The following VCAN variants were observed in gnomAD, a reference collection of about 807,000 sequenced individuals.
The protein encoded by VCAN is versican.
Under a neutral mutation model 245.5 loss-of-function variants are expected in VCAN, and 44 were observed. That is an observed-to-expected ratio of 0.18 (90% CI 0.14 to 0.23). The LOEUF is 0.23. Ranked by LOEUF, VCAN falls within the 10% of genes least tolerant of loss-of-function variation. The pLI, the probability that VCAN is intolerant of heterozygous loss-of-function variation, is 1.00. For missense variants in VCAN, 3,793 were observed against 4,057.9 expected, an observed-to-expected ratio of 0.93 and a Z score of 1.77; for synonymous variants, 1,413 against 1,437.0, an observed-to-expected ratio of 0.98 and a Z score of 0.38.
intron 5 of VCAN, among the ~76,000 whole-genome samples, chr5:83,511,855 G>T (rs554879098): frequency 1.3e-5 from 2 of 152,128 alleles, no homozygotes; most frequent in South Asian, 4.2e-4. Flanking sequence ...TGATTCTATG[G>T]CCAATGTACA....
rs780265936 is a variant in VCAN at position 83,569,012 on chromosome 5, A to T, written c.9736-3404A>T. ...TTTAACACTTGTTTTACTACCCCCCATTTCTTTATTTATTCTTCAAAGAAA... is the reference window on the plus strand; with the variant it reads ...TTTAACACTTGTTTTACTACCCCCCTTTTCTTTATTTATTCTTCAAAGAAA... On this transcript the variant is annotated intron_variant, in intron 12 of 14. Transcript: ENST00000265077. Among the ~76,000 whole-genome samples the T allele has an allele frequency of 1.3e-4, 20 of 152,162 alleles. No individual in the cohort carries two copies. The Middle Eastern group carries it at 0.01, about 78-fold the overall frequency.
chr5:83,511,433 C>T, intron 5 of VCAN, among the ~76,000 whole-genome samples: 1 of 152,100 alleles, frequency 6.6e-6, no homozygotes, highest in East Asian at 1.9e-4. Flanking sequence ...TCCCTACACA[C>T]TGGGCCTGGT....
At chr5:83,552,732 ACT>A (rs1747516923) in intron 10 of VCAN, among the ~76,000 whole-genome samples, 1 of 152,178 alleles carries the variant, frequency 6.6e-6, no homozygotes, top group Non-Finnish European at 1.5e-5. Flanking sequence ...TTTTTAATAA[ACT>A]TAAAATCTTG....
intron 6 of VCAN, among the ~76,000 whole-genome samples, chr5:83,518,900 T>C (rs887625853): frequency 6.6e-6 from 1 of 152,088 alleles, no homozygotes. Context: ...GAAGGGAGCA[T>C]GTGGAGAAAG....
In VCAN at chr5:83,541,093, G is replaced by T. The variant is rs61733389; in HGVS notation, c.8090G>T (p.Arg2697Leu). The stretch of plus-strand genomic sequence containing the variant: ...ACGGCAACATCCCTGCCAATTCCTC[G>T]TAAGTCTGCCACAGTTATTCCAGAG... ...LPTATSLPIP[R>L]KSATVIPEIE... is the part of the protein sequence containing the mutation. Residue 2697 changes from arginine to leucine, a missense_variant, in exon 8 of 15, where the codon CGT becomes CTT. By Grantham distance (102) the Arg-to-Leu change is moderately radical. Coordinates refer to ENST00000265077, the MANE Select transcript of VCAN (RefSeq NM_004385.5). The T allele has an allele frequency of 1.2e-6, 2 of 1,613,968 alleles. No homozygotes were observed. The highest frequency in any genetic ancestry group is 2.2e-5 in the East Asian group (1 of 44,862).
chr5:83,541,172 C>T lies in VCAN; in HGVS notation c.8169C>T (p.Ser2723=), dbSNP rs778883363. 4.3e-6 allele frequency: 7 copies of T among 1,613,864 alleles called. No homozygotes were observed. Among genetic ancestry groups the T allele is most frequent in the Admixed American group, 1.7e-5 (1 of 59,964 alleles). Residue 2723 remains serine, a synonymous_variant, in exon 8 of 15, where the codon AGC becomes AGT. Coordinates refer to ENST00000265077, the MANE Select transcript of VCAN (RefSeq NM_004385.5). ...CCCTGGATGACATGTTTGAATCAAG[C>T]ACTTTGTCTGATGGTCAAGCTATTG... The part of the protein sequence containing the change: ...AKALDDMFES[S]TLSDGQAIAD...
intron 12 of VCAN, among the ~76,000 whole-genome samples, chr5:83,570,795 T>C (rs889798517): frequency 1.3e-5 from 2 of 149,590 alleles, no homozygotes; most frequent in African/African-American, 5.0e-5. Context: ...CTGTTGGGAG[T>C]AAGTAGGTAG....
At chr5:83,481,951 TA>T (rs1360449814) in intron 1 of VCAN, among the ~76,000 whole-genome samples, 23 of 152,244 alleles carry the variant, frequency 1.5e-4, no homozygotes, top group Non-Finnish European at 3.4e-4. Flanking sequence ...TGCTAAATAA[TA>T]TAGAATTTCT....
At position 83,521,064 on chromosome 5, in the gene VCAN, A is replaced by G; in HGVS notation, c.2758A>G (p.Met920Val). ...CACTGAAGGCCAAGTTTATGCAACC[A>G]TGGAAGGAAGTGCTTTGGGTGAAGT... Reference protein sequence around the residue: ...TSTEGQVYATMEGSALGEVED... With the variant: ...TSTEGQVYATVEGSALGEVED... Residue 920 changes from methionine to valine, a missense_variant, in exon 7 of 15, where the codon ATG (methionine) becomes GTG (valine). Met to Val is a conservative substitution (Grantham distance 21). Transcript: ENST00000265077. 2 of 1,614,146 alleles carry G rather than the reference A, an allele frequency of 1.2e-6. No homozygotes were observed. The highest frequency in any genetic ancestry group is 8.5e-7 in the Non-Finnish European group (1 of 1,179,996).
At chr5:83,501,997 G>T (rs1745343162) in intron 5 of VCAN, among the ~76,000 whole-genome samples, 1 of 151,994 alleles carries the variant, frequency 6.6e-6, no homozygotes, top group Admixed American at 6.6e-5. Context: ...CAGAGTATAA[G>T]TTTTGCAGTT....
At chr5:83,580,266 T>C (rs1403294111) in intron 14 of VCAN, 41 bp from the exon 15 acceptor site, 1 of 1,613,766 alleles carries the variant, frequency 6.2e-7, no homozygotes, top group East Asian at 2.2e-5. Context: ...GAGCAAGTAA[T>C]ATTGTGTGTT....
chr5:83,525,104 G>A (rs1281109848), intron 7 of VCAN, among the ~76,000 whole-genome samples: 3 of 138,452 alleles, frequency 2.2e-5, no homozygotes, highest in Non-Finnish European at 4.6e-5. Context: ...ACACACTTAT[G>A]TTATACTTGC....
chr5:83,553,433 G>T lies in VCAN; in HGVS notation c.9563G>T (p.Arg3188Leu). 6.2e-7 allele frequency: 1 copy of T among 1,613,990 alleles called. No individual in the cohort carries two copies. The highest frequency in any genetic ancestry group is 8.5e-7 in the Non-Finnish European group (1 of 1,179,962). ...GQCYKYFAHR[R>L]TWDAAERECR... The stretch of plus-strand genomic sequence containing the variant: ...TGCTACAAATACTTTGCCCATCGAC[G>T]CACATGGGATGCAGCTGAACGGGAA... The change falls in exon 11 of 15, where the codon CGC becomes CTC. Residue 3188 changes from arginine (R) to leucine (L), a missense_variant. Arg to Leu is a moderately radical substitution (Grantham distance 102). Transcript: ENST00000265077.
intron 6 of VCAN, among the ~76,000 whole-genome samples, chr5:83,515,773 C>T (rs1269566281): frequency 6.6e-6 from 1 of 152,170 alleles, no homozygotes; most frequent in African/African-American, 2.4e-5. Context: ...AATTTGCCTG[C>T]CCTTCTAACC....
intron 2 of VCAN, among the ~76,000 whole-genome samples, chr5:83,488,545 T>A (rs1267892219): frequency 1.3e-5 from 2 of 152,228 alleles, no homozygotes; most frequent in Non-Finnish European, 2.9e-5. Context: ...AAGGTTGAGC[T>A]AAGTTAGAGA....
At chr5:83,545,167 A>G (rs1428252031) in intron 8 of VCAN, 2 of 324,928 alleles carry the variant, frequency 6.2e-6, no homozygotes, top group Non-Finnish European at 1.2e-5. Flanking sequence ...AACTAACCCC[A>G]TTTAAAAGAA....
At position 83,555,026 on chromosome 5, in the gene VCAN, T is replaced by C; in HGVS notation, c.9723T>C (p.Asp3241=). Residue 3241 remains aspartate (D), a synonymous_variant, in exon 12 of 15, where the codon GAT becomes GAC. Coordinates refer to ENST00000265077, the MANE Select transcript of VCAN (RefSeq NM_004385.5). ...TTGAGCATGACTTCCGTTGGACTGA[T>C]GGCAGCACACTGGTAAGATGCCCTT... is the stretch of plus-strand genomic sequence containing the variant. ...KMFEHDFRWT[D]GSTLQYENWR... The C allele has an allele frequency of 1.2e-6, 2 of 1,613,686 alleles. No individual in the cohort carries two copies. Among genetic ancestry groups the C allele is most frequent in the Non-Finnish European group, 1.7e-6 (2 of 1,179,654 alleles).
At position 83,541,722 on chromosome 5, in the gene VCAN, C is replaced by A; in HGVS notation, c.8719C>A (p.Pro2907Thr). Reference sequence around the variant, plus strand: ...AGAACCTTCAGAAGATGATGGTAAACCTGAGTTATTAGAAGAAATGGAAGC... The same window carrying A: ...AGAACCTTCAGAAGATGATGGTAAAACTGAGTTATTAGAAGAAATGGAAGC... Reference protein sequence around the residue: ...KLEPSEDDGKPELLEEMEASP... With the variant: ...KLEPSEDDGKTELLEEMEASP... Residue 2907 changes from proline to threonine, a missense_variant, in exon 8 of 15, where the codon CCT becomes ACT. By Grantham distance (38) the Pro-to-Thr change is conservative. Around this residue, in one of 5 missense-constraint regions of VCAN, gnomAD observed 3,182 missense variants for 3,250.3 expected, o/e 0.98. Coordinates refer to ENST00000265077, the MANE Select transcript of VCAN (RefSeq NM_004385.5). 1.2e-6 allele frequency: 2 copies of A among 1,613,958 alleles called. No homozygotes were observed. The highest frequency in any genetic ancestry group is 1.7e-6 in the Non-Finnish European group (2 of 1,179,974).
Position 83,537,947 on chromosome 5 carries a change from T to C in VCAN, c.4944T>C (p.Asp1648=). ...AAGGCTCTGGAGAAGCAGAAGAAGA[T>C]GAAGATACAATGTTCACCATGGTAA... ...ITEGSGEAEE[D]EDTMFTMVTD... is the part of the protein sequence containing the mutation. The change falls in exon 8 of 15, where the codon GAT becomes GAC. Residue 1648 remains aspartate (D), a synonymous_variant. Coordinates refer to ENST00000265077, the MANE Select transcript of VCAN (RefSeq NM_004385.5). 2 of 1,613,776 alleles carry C rather than the reference T, an allele frequency of 1.2e-6. No individual in the cohort carries two copies.
Sources: gnomAD v4.1 joint callset for allele counts (sites outside exome capture counted in the v4.1 genomes callset) on GRCh38, gnomAD v4.1.1 for gene constraint, gnomAD v4.1.1 regional missense constraint, MANE v1.5 for transcripts, NCBI Gene and HGNC (gene_info 2026-07-23, HGNC 2026-07-21) for gene names.